The following KCNB2 variants were observed in gnomAD, a reference collection of about 807,000 sequenced individuals.
The protein encoded by KCNB2 is delayed rectifier potassium channel protein.
A neutral mutation model predicts 61.5 loss-of-function variants in KCNB2; 15 were observed. The ratio of observed to expected loss-of-function variants is 0.24; its 90% confidence interval spans 0.16 to 0.38. KCNB2 has a LOEUF of 0.38. Ranked by LOEUF, KCNB2 falls within the 10% of genes least tolerant of loss-of-function variation. The probability of loss-of-function intolerance (pLI) is 1.00; values close to 1 mark genes in which losing one functional copy is unlikely to be tolerated. For missense variants in KCNB2, 828 were observed against 1,125.2 expected, an observed-to-expected ratio of 0.74 and a Z score of 3.78; for synonymous variants, 457 against 446.0, an observed-to-expected ratio of 1.02 and a Z score of -0.31.
chr8:72,758,123 T>A (rs774372562), intron 2 of KCNB2, among the ~76,000 whole-genome samples: 1 of 152,076 alleles, frequency 6.6e-6, no homozygotes, highest in Non-Finnish European at 1.5e-5. Context: ...GGACTCATGG[T>A]GTCTGATGAG....
chr8:72,650,964 A>G (rs1265289493), intron 2 of KCNB2, among the ~76,000 whole-genome samples: 1 of 152,174 alleles, frequency 6.6e-6, no homozygotes, highest in Non-Finnish European at 1.5e-5. Context: ...GGAAACCTCT[A>G]GATAGCTTTG....
At chr8:72,704,852 A>T (rs182822426) in intron 2 of KCNB2, among the ~76,000 whole-genome samples, 39 of 152,296 alleles carry the variant, frequency 2.6e-4, no homozygotes, top group African/African-American at 8.4e-4. Context: ...CATATAACCT[A>T]TGCACACCCC....
chr8:72,701,526 C>T (rs975963391), intron 2 of KCNB2, among the ~76,000 whole-genome samples: 1 of 133,404 alleles, frequency 7.5e-6, no homozygotes, highest in Non-Finnish European at 1.6e-5. Context: ...TTACCTTACA[C>T]CTGTCCCTTT....
At chr8:72,618,940 C>T (rs1805663448) in intron 2 of KCNB2, 2 of 339,020 alleles carry the variant, frequency 5.9e-6, no homozygotes, top group Non-Finnish European at 1.2e-5. Flanking sequence ...GCATCCATGC[C>T]TCTGGCTGAA....
At chr8:72,774,973 A>G (rs1808623180) in intron 2 of KCNB2, among the ~76,000 whole-genome samples, 1 of 152,200 alleles carries the variant, frequency 6.6e-6, no homozygotes, top group African/African-American at 2.4e-5. Context: ...ACAATTGGCC[A>G]GGTAAGAAGC....
intron 2 of KCNB2, among the ~76,000 whole-genome samples, chr8:72,767,068 G>T (rs1290405329): frequency 6.6e-6 from 1 of 152,056 alleles, no homozygotes; most frequent in Non-Finnish European, 1.5e-5. Flanking sequence ...AGAATAGCAT[G>T]GGAAAAACCA....
Position 72,813,415 on chromosome 8 carries a change from A to C in KCNB2, c.580-122520A>C, listed in dbSNP as rs142887471. On this transcript the variant is annotated intron_variant, in intron 2 of 2. Transcript: ENST00000523207. ...GAAACTGCCACTTAAGTTTACACCC[A>C]AAAAAAATAACTTACAGACATCTCC... 5.7e-3 allele frequency among the ~76,000 whole-genome samples: 866 copies of C among 151,998 alleles called. 4 individuals carry two copies. Among genetic ancestry groups the C allele is most frequent in the Non-Finnish European group, 8.9e-3 (608 of 67,938 alleles).
At chr8:72,897,351 A>G (rs1442730929) in intron 2 of KCNB2, among the ~76,000 whole-genome samples, 1 of 152,170 alleles carries the variant, frequency 6.6e-6, no homozygotes, top group Non-Finnish European at 1.5e-5. Context: ...TAACTCATCC[A>G]GTTTAGCAGG....
chr8:72,616,746 G>A (rs1805625321), intron 2 of KCNB2, among the ~76,000 whole-genome samples: 1 of 152,166 alleles, frequency 6.6e-6, no homozygotes, highest in Admixed American at 6.5e-5. Context: ...TGCCTATTTA[G>A]GTTGTTGCTC....
intron 2 of KCNB2, among the ~76,000 whole-genome samples, chr8:72,742,614 A>C (rs990112238): frequency 6.6e-6 from 1 of 152,134 alleles, no homozygotes; most frequent in South Asian, 2.1e-4. Flanking sequence ...CCACACCACA[A>C]ATAATGTGGT....
At chr8:72,835,404 T>C (rs991284774) in intron 2 of KCNB2, among the ~76,000 whole-genome samples, 2 of 152,174 alleles carry the variant, frequency 1.3e-5, no homozygotes, top group Non-Finnish European at 2.9e-5. Context: ...AGCTCCAAGA[T>C]GCCAAATGAA....
intron 2 of KCNB2, among the ~76,000 whole-genome samples, chr8:72,872,327 G>A (rs2129004831): frequency 6.6e-6 from 1 of 152,318 alleles, no homozygotes; most frequent in South Asian, 2.1e-4. Context: ...AAATAGCTCT[G>A]TCAGAAAAGC....
chr8:72,846,349 G>A lies in KCNB2; in HGVS notation c.580-89586G>A, dbSNP rs1333230609. On this transcript the variant is annotated intron_variant, in intron 2 of 2. Transcript: ENST00000523207. ...GCAACACCACCCAGGACATAGGCAT[G>A]GGCAAGGACTTCATGACTAAAATAC... Among the ~76,000 whole-genome samples the A allele has an allele frequency of 3.3e-5, 5 of 152,218 alleles. No homozygotes were observed. In the East Asian group the frequency reaches 9.7e-4, roughly 29 times the overall value.
intron 2 of KCNB2, among the ~76,000 whole-genome samples, chr8:72,691,397 T>TG (rs1806938429): frequency 6.6e-6 from 1 of 152,230 alleles, no homozygotes; most frequent in Admixed American, 6.5e-5. Flanking sequence ...CAGTCCACGA[T>TG]GGAAAACTCC....
chr8:72,596,779 C>G (rs1807198377), intron 2 of KCNB2, among the ~76,000 whole-genome samples: 2 of 152,074 alleles, frequency 1.3e-5, no homozygotes. Flanking sequence ...GCTAAAAAAT[C>G]ATCTTCCATC....
chr8:72,647,160 G>C (rs1461230890), intron 2 of KCNB2, among the ~76,000 whole-genome samples: 1 of 151,982 alleles, frequency 6.6e-6, no homozygotes, highest in Non-Finnish European at 1.5e-5. Flanking sequence ...AAATAGTTGT[G>C]GAGTTCTAAA....
intron 2 of KCNB2, among the ~76,000 whole-genome samples, chr8:72,821,629 C>CAAA (rs1563395050): frequency 1.1e-4 from 6 of 53,702 alleles, no homozygotes; most frequent in East Asian, 2.7e-3. Flanking sequence ...TACACACACA[C>CAAA]ACAAAAAAAA....
chr8:72,917,289 AAAT>A (rs1806418978), intron 2 of KCNB2, among the ~76,000 whole-genome samples: 2 of 152,220 alleles, frequency 1.3e-5, no homozygotes, highest in Non-Finnish European at 1.5e-5. Flanking sequence ...ATTTAGCACC[AAAT>A]AAACTTCCAG....
intron 2 of KCNB2, among the ~76,000 whole-genome samples, chr8:72,926,447 CTTTTA>C (rs1806651203): frequency 6.6e-6 from 1 of 151,928 alleles, no homozygotes; most frequent in Non-Finnish European, 1.5e-5. Flanking sequence ...TTATATCCAA[CTTTTA>C]TTTTAAGTTC....
Sources: gnomAD v4.1 joint callset for allele counts (sites outside exome capture counted in the v4.1 genomes callset) on GRCh38, gnomAD v4.1.1 for gene constraint, MANE v1.5 for transcripts, NCBI Gene and HGNC (gene_info 2026-07-23, HGNC 2026-07-21) for gene names.